Variants in ACYP2 observed in about 807,000 individuals in gnomAD.
ACYP2 encodes acylphosphatase-2.
ACYP2 carries 12 observed loss-of-function variants against 11.2 expected under a neutral mutation model. The observed-to-expected ratio is 1.08, with a 90% CI of 0.69 to 1.74. The LOEUF (loss-of-function observed/expected upper bound fraction) is 1.74. Among genes scored for constraint, ACYP2 ranks in the 40% most tolerant of loss-of-function variants. ACYP2 has a pLI of 0.00. For missense variants in ACYP2, 134 were observed against 101.9 expected, an observed-to-expected ratio of 1.31 and a Z score of -1.35; for synonymous variants, 43 against 32.2, an observed-to-expected ratio of 1.33 and a Z score of -1.13.
chr2:54,188,982 C>T (rs73935097), intron 6 of ACYP2, among the ~76,000 whole-genome samples: 10,918 of 152,246 alleles, frequency 0.072, 671 homozygotes, highest in African/African-American at 0.17. Flanking sequence ...TCACCTCTCT[C>T]TTCTCCTGGA....
chr2:54,004,611 A>T (rs556325853), intron 2 of ACYP2, among the ~76,000 whole-genome samples: 5 of 150,292 alleles, frequency 3.3e-5, no homozygotes, highest in Admixed American at 6.7e-5. Flanking sequence ...CGGGTTTCAC[A>T]GTGTTAGCCA....
intron 2 of ACYP2, among the ~76,000 whole-genome samples, chr2:54,039,864 T>G (rs1675130844): frequency 6.8e-6 from 1 of 148,066 alleles, no homozygotes. Flanking sequence ...TGTGTGTGTG[T>G]GTGTGTTTTG....
chr2:54,172,793 G>A (rs1158521586), intron 6 of ACYP2, among the ~76,000 whole-genome samples: 2 of 152,054 alleles, frequency 1.3e-5, no homozygotes, highest in South Asian at 2.1e-4. Flanking sequence ...GAGAACATGT[G>A]GTGTTTGGTT....
At chr2:54,194,958 T>C (rs976174000) in intron 6 of ACYP2, among the ~76,000 whole-genome samples, 2 of 152,240 alleles carry the variant, frequency 1.3e-5, no homozygotes, top group Non-Finnish European at 2.9e-5. Context: ...TAATGAATAT[T>C]CAAATGAAGG....
chr2:54,043,897 G>A (rs1393736560), intron 2 of ACYP2, among the ~76,000 whole-genome samples: 1 of 151,996 alleles, frequency 6.6e-6, no homozygotes, highest in East Asian at 1.9e-4. Context: ...ATCCCAATTA[G>A]GAGGAAACTA....
intron 6 of ACYP2, among the ~76,000 whole-genome samples, chr2:54,279,151 A>T (rs189911111): frequency 5.9e-4 from 90 of 152,368 alleles, no homozygotes; most frequent in African/African-American, 2.0e-3. Flanking sequence ...TGTTTCATGA[A>T]CCTATGGAAT....
intron 2 of ACYP2, among the ~76,000 whole-genome samples, chr2:53,981,488 G>A (rs1671761452): frequency 6.6e-6 from 1 of 152,094 alleles, no homozygotes; most frequent in South Asian, 2.1e-4. Context: ...AGGCTGAAGT[G>A]AAGTTACAAA....
intron 2 of ACYP2, among the ~76,000 whole-genome samples, chr2:54,026,049 G>T (rs1674268884): frequency 6.6e-6 from 1 of 152,150 alleles, no homozygotes; most frequent in South Asian, 2.1e-4. Flanking sequence ...TGCAGGAGGT[G>T]GAGGTTGCAG....
intron 6 of ACYP2, among the ~76,000 whole-genome samples, chr2:54,293,309 C>T (rs1689390702): frequency 6.6e-6 from 1 of 152,200 alleles, no homozygotes; most frequent in Non-Finnish European, 1.5e-5. Flanking sequence ...ATGTGTTGAC[C>T]TAGAAGCTGC....
intron 2 of ACYP2, among the ~76,000 whole-genome samples, chr2:54,015,645 TCACACACACACACA>T (rs4027206): frequency 1.2e-4 from 15 of 130,418 alleles, no homozygotes; most frequent in East Asian, 2.1e-4. Flanking sequence ...TGAGACCCCG[TCACACACACACACA>T]CACACACACA....
chr2:54,255,291 G>A, intron 6 of ACYP2: 5 of 1,614,196 alleles, frequency 3.1e-6, no homozygotes, highest in Non-Finnish European at 4.2e-6. Context: ...CTGTCCTAGG[G>A]TGTCTGAGCT....
intron 4 of ACYP2, chr2:54,065,312 A>C: frequency 2.6e-6 from 1 of 391,462 alleles, no homozygotes; most frequent in Non-Finnish European, 4.5e-6. Flanking sequence ...GATGTTGACT[A>C]TAGGAGGCCC....
At chr2:54,115,540 G>A (rs1679700253) in intron 4 of ACYP2, 75 bp from the exon 1 acceptor site, 4 of 1,508,504 alleles carry the variant, frequency 2.7e-6, no homozygotes, top group South Asian at 2.5e-5. Flanking sequence ...AGTCTCATTT[G>A]CCGCTTCCGA....
At chr2:53,985,351 G>A (rs575215045) in intron 2 of ACYP2, among the ~76,000 whole-genome samples, 2 of 152,270 alleles carry the variant, frequency 1.3e-5, no homozygotes, top group African/African-American at 2.4e-5. Flanking sequence ...ACAGGTGTGA[G>A]CCGCTGCACC....
intron 6 of ACYP2, among the ~76,000 whole-genome samples, chr2:54,197,942 A>ACTG (rs1684571201): frequency 1.4e-4 from 10 of 69,566 alleles, no homozygotes; most frequent in Admixed American, 3.3e-4. Flanking sequence ...TGTATGTATT[A>ACTG]TATTGTATTG....
intron 4 of ACYP2, among the ~76,000 whole-genome samples, chr2:54,060,687 C>A (rs1676422879): frequency 6.6e-6 from 1 of 152,210 alleles, no homozygotes. Context: ...TCTCTAGCCA[C>A]CCATGTGTAG....
At chr2:54,070,081 A>T (rs1676952978) in intron 4 of ACYP2, among the ~76,000 whole-genome samples, 2 of 152,024 alleles carry the variant, frequency 1.3e-5, no homozygotes, top group South Asian at 2.1e-4. Flanking sequence ...GACCAGCCTG[A>T]CCAACATGGA....
chr2:54,035,329 G>C (rs1405867506), intron 2 of ACYP2, among the ~76,000 whole-genome samples: 67 of 146,732 alleles, frequency 4.6e-4, no homozygotes, highest in Non-Finnish European at 8.2e-4. Flanking sequence ...GCAGTGGTGC[G>C]ATCTCGGCGC....
intron 6 of ACYP2, among the ~76,000 whole-genome samples, chr2:54,236,847 G>A (rs1686502539): frequency 6.6e-6 from 1 of 152,030 alleles, no homozygotes; most frequent in Non-Finnish European, 1.5e-5. Context: ...TATGTTACTA[G>A]GTGAATTAAA....
Sources: allele counts gnomAD v4.1 joint callset (sites outside exome capture counted in the v4.1 genomes callset), GRCh38; gene constraint gnomAD v4.1.1; transcripts MANE v1.5; gene names NCBI Gene and HGNC (gene_info 2026-07-23, HGNC 2026-07-21).